Variants in AUTS2 observed in about 807,000 individuals in gnomAD.
AUTS2 encodes activator of transcription and developmental regulator AUTS2.
AUTS2 carries 17 observed loss-of-function variants against 112.4 expected under a neutral mutation model. The observed-to-expected ratio is 0.15, with a 90% CI of 0.10 to 0.23. The LOEUF is 0.23. Among genes scored for constraint, AUTS2 ranks in the 10% least tolerant of loss-of-function variants. The pLI is 1.00. For missense variants in AUTS2, 1,510 were observed against 1,701.6 expected (o/e 0.89, Z 1.98); for synonymous variants, 751 against 702.7 (o/e 1.07, Z -1.09).
chr7:69,681,253 T>C (rs569674658), intron 1 of AUTS2, among the ~76,000 whole-genome samples: 186 of 152,348 alleles, frequency 1.2e-3, no homozygotes, highest in Non-Finnish European at 2.0e-3. Flanking sequence ...TGCTATCACT[T>C]CTTCTGCATA....
intron 2 of AUTS2, among the ~76,000 whole-genome samples, chr7:69,929,869 G>A (rs1008652303): frequency 6.6e-6 from 1 of 152,142 alleles, no homozygotes; most frequent in African/African-American, 2.4e-5. Context: ...CTGCCTCATT[G>A]TGTAACTGGT....
At chr7:69,789,531 T>C (rs757866765) in intron 1 of AUTS2, among the ~76,000 whole-genome samples, 1 of 152,198 alleles carries the variant, frequency 6.6e-6, no homozygotes, top group Non-Finnish European at 1.5e-5. Context: ...GTATTTCTGC[T>C]GGGACCCAGG....
chr7:70,128,560 A>G (rs1806100427), intron 3 of AUTS2, among the ~76,000 whole-genome samples: 1 of 152,208 alleles, frequency 6.6e-6, no homozygotes, highest in Non-Finnish European at 1.5e-5. Flanking sequence ...AACAGGAACA[A>G]CAAGCTTAGA....
intron 2 of AUTS2, among the ~76,000 whole-genome samples, chr7:69,985,023 G>A (rs1334560707): frequency 6.6e-6 from 1 of 152,100 alleles, no homozygotes; most frequent in African/African-American, 2.4e-5. Context: ...AAATAAAGCT[G>A]TTCTTTCAGC....
At chr7:70,104,740 A>C (rs1170138695) in intron 2 of AUTS2, among the ~76,000 whole-genome samples, 1 of 152,196 alleles carries the variant, frequency 6.6e-6, no homozygotes, top group Non-Finnish European at 1.5e-5. Flanking sequence ...GGAATGTGGA[A>C]GTGAAAAATA....
chr7:70,400,894 G>A (rs1048615730), intron 4 of AUTS2, among the ~76,000 whole-genome samples: 18 of 152,126 alleles, frequency 1.2e-4, no homozygotes, highest in African/African-American at 3.6e-4. Flanking sequence ...TCTAATGCAC[G>A]CCAAAGTTGA....
At chr7:70,105,983 C>T (rs938323882) in intron 2 of AUTS2, among the ~76,000 whole-genome samples, 3 of 152,154 alleles carry the variant, frequency 2.0e-5, no homozygotes, top group African/African-American at 7.2e-5. Flanking sequence ...TTGAATCTTT[C>T]TGCATCTTGG....
chr7:70,769,791 T>TA (rs1790219317), intron 10 of AUTS2, among the ~76,000 whole-genome samples: 1 of 152,192 alleles, frequency 6.6e-6, no homozygotes, highest in South Asian at 2.1e-4. Context: ...TCTACAGTCC[T>TA]AGGCCAAAGA....
intron 1 of AUTS2, among the ~76,000 whole-genome samples, chr7:69,802,938 T>C (rs1298970048): frequency 6.6e-6 from 1 of 152,222 alleles, no homozygotes; most frequent in African/African-American, 2.4e-5. Context: ...GTGTTGACTG[T>C]TCATGGCAGA....
intron 5 of AUTS2, among the ~76,000 whole-genome samples, chr7:70,671,153 C>T (rs373620240): frequency 5.4e-5 from 8 of 147,834 alleles, no homozygotes; most frequent in African/African-American, 1.5e-4. Context: ...CACTGCACTC[C>T]AGCCTGGGTG....
intron 4 of AUTS2, among the ~76,000 whole-genome samples, chr7:70,349,136 C>G (rs1791636989): frequency 6.6e-6 from 1 of 152,106 alleles, no homozygotes; most frequent in Non-Finnish European, 1.5e-5. Context: ...CTTGAAGAAG[C>G]TAAGTAACTT....
chr7:70,396,221 C>G (rs1794074443), intron 4 of AUTS2, among the ~76,000 whole-genome samples: 1 of 152,158 alleles, frequency 6.6e-6, no homozygotes, highest in South Asian at 2.1e-4. Context: ...TGCCCATTCA[C>G]CCAGCCCCTG....
At chr7:70,585,475 G>T (rs975082842) in intron 5 of AUTS2, among the ~76,000 whole-genome samples, 1 of 152,174 alleles carries the variant, frequency 6.6e-6, no homozygotes, top group African/African-American at 2.4e-5. Context: ...TGCCAAAAGA[G>T]GCACAAACAA....
intron 1 of AUTS2, among the ~76,000 whole-genome samples, chr7:69,690,417 C>G (rs1016938671): frequency 2.0e-5 from 3 of 152,210 alleles, no homozygotes; most frequent in Non-Finnish European, 4.4e-5. Flanking sequence ...GCTTGTTCCA[C>G]CCACTCAGCT....
chr7:70,545,842 C>T (rs544283912), intron 5 of AUTS2, among the ~76,000 whole-genome samples: 57 of 152,202 alleles, frequency 3.7e-4, no homozygotes, highest in African/African-American at 1.1e-3. Context: ...TCAGTTCTTC[C>T]GAGCCTTCAT....
chr7:69,900,090 C>T (rs940379770), intron 2 of AUTS2, among the ~76,000 whole-genome samples: 9 of 152,150 alleles, frequency 5.9e-5, no homozygotes, highest in African/African-American at 4.8e-5. Context: ...GGCTTACTGG[C>T]CTGTTAATAA....
chr7:70,753,363 T>C (rs1016913615), intron 6 of AUTS2, among the ~76,000 whole-genome samples: 3 of 152,190 alleles, frequency 2.0e-5, no homozygotes, highest in African/African-American at 7.2e-5. Flanking sequence ...CAGATGGTAA[T>C]TAATGTTTAC....
chr7:70,673,523 C>T (rs1049156951), intron 5 of AUTS2, among the ~76,000 whole-genome samples: 3 of 152,180 alleles, frequency 2.0e-5, no homozygotes, highest in South Asian at 4.2e-4. Context: ...TGCACCACCA[C>T]GCCCAGCTGA....
intron 1 of AUTS2, among the ~76,000 whole-genome samples, chr7:69,785,668 T>C (rs1293816077): frequency 1.3e-5 from 2 of 152,206 alleles, no homozygotes; most frequent in Non-Finnish European, 2.9e-5. Context: ...TCTGGATTGC[T>C]CTGATAAACA....
Sources: gnomAD v4.1 joint callset for allele counts (sites outside exome capture counted in the v4.1 genomes callset) on GRCh38, gnomAD v4.1.1 for gene constraint, MANE v1.5 for transcripts, NCBI Gene and HGNC (gene_info 2026-07-23, HGNC 2026-07-21) for gene names.